Variants in TMEM138 observed in about 807,000 individuals in gnomAD.
TMEM138 encodes transmembrane protein 138.
In TMEM138, 9 loss-of-function variants were observed where a neutral mutation model predicts 18.1. The observed-to-expected ratio is 0.50, with a 90% CI of 0.30 to 0.87. The LOEUF (loss-of-function observed/expected upper bound fraction) is 0.87. Ranked by LOEUF, TMEM138 falls within the 40% of genes least tolerant of loss-of-function variation. TMEM138 has a pLI of 0.06. For missense variants in TMEM138, 189 were observed against 190.6 expected (o/e 0.99, Z 0.05); for synonymous variants, 79 against 74.8 (o/e 1.06, Z -0.29).
downstream of TMEM138, among the ~76,000 whole-genome samples, chr11:61,376,326 A>T (rs534806954): frequency 1.1e-4 from 17 of 152,184 alleles, no homozygotes; most frequent in African/African-American, 3.6e-4. Context: ...TCCAGCCTGG[A>T]TGACAGAGCA....
intron 3 of TMEM138, 150 bp downstream of exon 3, chr11:61,366,366 C>A: frequency 1.1e-6 from 1 of 877,860 alleles, no homozygotes; most frequent in South Asian, 2.0e-5. Flanking sequence ...CTGCTTCTGC[C>A]TCCCAAAGTG....
downstream of TMEM138, among the ~76,000 whole-genome samples, chr11:61,371,866 T>A (rs1348104546): frequency 2.0e-5 from 3 of 152,070 alleles, no homozygotes; most frequent in African/African-American, 7.2e-5. Flanking sequence ...AGATTTCTGA[T>A]TGGCAACTGG....
At chr11:61,368,101 A>T (rs1858216594) in intron 4 of TMEM138, 103 bp downstream of exon 4, 1 of 850,726 alleles carries the variant, frequency 1.2e-6, no homozygotes, top group Admixed American at 1.7e-5. Flanking sequence ...CTGGCTTGGG[A>T]TGGTTGTGAC....
At chr11:61,368,416 A>G in intron 4 of TMEM138, 181 bp from the exon 5 acceptor site, 1 of 551,760 alleles carries the variant, frequency 1.8e-6, no homozygotes, top group Non-Finnish European at 3.3e-6. Flanking sequence ...TTTAGTAGAG[A>G]CAGGGTTTCA....
chr11:61,373,842 ATTTTTTT>A (rs1203346883), downstream of TMEM138, among the ~76,000 whole-genome samples: 16 of 149,988 alleles, frequency 1.1e-4, 1 homozygote, highest in South Asian at 2.1e-4. Flanking sequence ...TTTATTTTTT[ATTTTTTT>A]TTTTTTTAAA....
intron 2 of TMEM138, among the ~76,000 whole-genome samples, chr11:61,365,325 A>G (rs1182179769): frequency 1.3e-5 from 2 of 151,446 alleles, no homozygotes; most frequent in South Asian, 2.1e-4. Flanking sequence ...CAGTGGCACA[A>G]TCTCAGCTCA....
At chr11:61,371,584 C>A (rs1002706653), downstream of TMEM138, among the ~76,000 whole-genome samples, 1 of 152,162 alleles carries the variant, frequency 6.6e-6, no homozygotes, top group Non-Finnish European at 1.5e-5. Context: ...ACTGATGATG[C>A]TTGTATTGAT....
Position 61,364,451 on chromosome 11 carries a change from G to C in TMEM138, c.61G>C (p.Asp21His). The change falls in exon 2 of 5, where the codon GAC (aspartate) becomes CAC (histidine). Residue 21 changes from aspartate (D) to histidine (H), a missense_variant. Asp to His is a moderately conservative substitution (Grantham distance 81). Coordinates refer to ENST00000278826, the MANE Select transcript of TMEM138 (RefSeq NM_016464.5). ...LSLQFLLLSY[D>H]LFVNSFSELL... is the part of the protein sequence containing the mutation. The stretch of plus-strand genomic sequence containing the variant: ...TCTGCAGTTCCTGCTGCTGTCCTAT[G>C]ACCTCTTTGTCAATTCCTTCTCAGA... The C allele has an allele frequency of 6.2e-7, 1 of 1,614,230 alleles. No individual in the cohort carries two copies. Among genetic ancestry groups the C allele is most frequent in the Non-Finnish European group, 8.5e-7 (1 of 1,180,044 alleles).
downstream of TMEM138, among the ~76,000 whole-genome samples, chr11:61,375,936 C>A (rs926972770): frequency 5.3e-5 from 8 of 152,278 alleles, no homozygotes; most frequent in East Asian, 1.4e-3. Context: ...GAGGATCATG[C>A]AATTCATAGG....
rs199532763 is a variant in TMEM138 at position 61,364,320 on chromosome 11, G to A, written c.-71G>A. 7.7e-5 allele frequency: 121 copies of A among 1,581,000 alleles called. No individual in the cohort carries two copies. In the Middle Eastern group the frequency reaches 1.2e-3, roughly 16 times the overall value. On this transcript the variant is annotated 5_prime_UTR_variant, in exon 2 of 5. Transcript: ENST00000278826. Reference sequence around the variant, plus strand: ...CTAGAAGCCTCTCCCTCAGTGGTAGGGAGACAGCCAGGAGCGGTTTTCTGG... The same window carrying A: ...CTAGAAGCCTCTCCCTCAGTGGTAGAGAGACAGCCAGGAGCGGTTTTCTGG...
downstream of TMEM138, among the ~76,000 whole-genome samples, chr11:61,374,630 C>A (rs1858411346): frequency 1.3e-5 from 2 of 152,128 alleles, no homozygotes; most frequent in South Asian, 4.1e-4. Flanking sequence ...CTTTGGTCCT[C>A]TTTAGAAGGT....
downstream of TMEM138, among the ~76,000 whole-genome samples, chr11:61,372,229 T>G (rs992100475): frequency 6.6e-6 from 1 of 151,634 alleles, no homozygotes; most frequent in African/African-American, 2.4e-5. Flanking sequence ...AGTATTCAAT[T>G]CTACCTAAAG....
chr11:61,373,880 G>C (rs543205288), downstream of TMEM138, among the ~76,000 whole-genome samples: 9 of 150,740 alleles, frequency 6.0e-5, no homozygotes. Context: ...CACTCTTGTC[G>C]TCCAGGCTGG....
downstream of TMEM138, among the ~76,000 whole-genome samples, chr11:61,374,448 G>GC (rs1858409454): frequency 1.3e-5 from 2 of 152,122 alleles, no homozygotes; most frequent in South Asian, 4.1e-4. Context: ...ACTGCCACTG[G>GC]CCCTGGAAAC....
Position 61,368,708 on chromosome 11 carries a change from G to T in TMEM138, c.488G>T (p.Ter163LeuextTer12). The change falls in exon 5 of 5, where the codon TGA (stop) becomes TTA (leucine). Residue 163 changes from the stop codon to leucine (L), a stop_lost. Transcript: ENST00000278826. The stretch of plus-strand genomic sequence containing the variant: ...AAGGAGTTCATGCAAGTTCGAAGGT[G>T]ACCTCTTGTCACACTGATGGATACT... ...LRKEFMQVRR* is the reference protein window; with the variant it reads ...LRKEFMQVRRL 3 of 1,611,628 alleles carry T rather than the reference G, an allele frequency of 1.9e-6. No individual in the cohort carries two copies. The highest frequency in any genetic ancestry group is 2.5e-6 in the Non-Finnish European group (3 of 1,177,982).
intron 3 of TMEM138, 148 bp from the exon 4 acceptor site, chr11:61,367,775 C>T: frequency 7.6e-6 from 5 of 657,122 alleles, no homozygotes; most frequent in Non-Finnish European, 1.1e-5. Context: ...AGCTTTGAGG[C>T]TCCTTCGAGA....
chr11:61,368,183 G>A (rs757614009), intron 4 of TMEM138, 185 bp downstream of exon 4: 13 of 714,308 alleles, frequency 1.8e-5, no homozygotes, highest in Non-Finnish European at 2.8e-5. Flanking sequence ...AGGAGGCAGG[G>A]CTGCCCAGCC....
Position 61,368,705 on chromosome 11 carries a change from G to A in TMEM138, c.485G>A (p.Arg162Lys). ...CGCAAGGAGTTCATGCAAGTTCGAA[G>A]GTGACCTCTTGTCACACTGATGGAT... The part of the protein sequence containing the change: ...WLRKEFMQVR[R>K] Residue 162 changes from arginine to lysine, a missense_variant, in exon 5 of 5, where the codon AGG becomes AAG. Physicochemically the swap from Arg to Lys is conservative, Grantham distance 26. Transcript: ENST00000278826. 4 of 1,612,490 alleles carry A rather than the reference G, an allele frequency of 2.5e-6. No individual in the cohort carries two copies. The highest frequency in any genetic ancestry group is 2.5e-6 in the Non-Finnish European group (3 of 1,178,722).
chr11:61,368,748 G>A lies in TMEM138; in HGVS notation c.*39G>A, dbSNP rs1196213966. 6.6e-7 allele frequency: 1 copy of A among 1,515,170 alleles called. No individual in the cohort carries two copies. The highest frequency in any genetic ancestry group is 9.2e-7 in the Non-Finnish European group (1 of 1,092,222). 93.9% of individuals were successfully genotyped at this position (1,515,170 alleles called of 1,614,324 possible). A position where few individuals can be genotyped will look rare whatever the true frequency, so the allele number is the denominator to read the frequency against. ...TGATGGATACTTTTCCTTCCTGATA[G>A]AAGCCACATTTGCTGCTTTGCAGGG... On this transcript the variant is annotated 3_prime_UTR_variant, in exon 5 of 5. Transcript: ENST00000278826.
Sources: allele counts gnomAD v4.1 joint callset (sites outside exome capture counted in the v4.1 genomes callset), GRCh38; gene constraint gnomAD v4.1.1; transcripts MANE v1.5; gene names NCBI Gene and HGNC (gene_info 2026-07-23, HGNC 2026-07-21).